TRIM16: variants seen among roughly 807,000 people sequenced by gnomAD.
TRIM16 encodes tripartite motif containing 16.
Under a neutral mutation model 50.4 loss-of-function variants are expected in TRIM16, and 33 were observed. The ratio of observed to expected loss-of-function variants is 0.65; its 90% CI spans 0.50 to 0.88. TRIM16 has a LOEUF of 0.88. Among genes scored for constraint, TRIM16 ranks in the 40% least tolerant of loss-of-function variants. TRIM16 has a pLI of 0.00. For synonymous variants in TRIM16, 229 were observed against 270.7 expected, an observed-to-expected ratio of 0.85 and a Z score of 1.51; for missense variants, 581 against 686.8, an observed-to-expected ratio of 0.85 and a Z score of 1.72.
chr17:15,680,766 T>A lies in TRIM16; in HGVS notation c.-590+99A>T, dbSNP rs902469152. On this transcript the variant is annotated intron_variant, in intron 4 of 11. Coordinates refer to ENST00000649191, the MANE Select transcript of TRIM16 (RefSeq NM_001348119.1). ...AAGCTTCATGCTAAGAGAAAAAAAA[T>A]TTGCTTCAGGAATTAAAATAAGATT... The A allele has an allele frequency of 5.1e-6, 7 of 1,363,724 alleles. No individual in the cohort carries two copies. In the African/African-American group the frequency reaches 6.0e-5, roughly 12 times the overall value. The allele number at this position is 1,363,724 out of a possible 1,614,324, so 84.5% of individuals were successfully genotyped here. A position where few individuals can be genotyped will look rare whatever the true frequency, so the allele number is the denominator to read the frequency against.
At chr17:15,632,827 T>C in intron 9 of TRIM16, 153 bp from the exon 10 acceptor site, 2 of 1,083,672 alleles carry the variant, frequency 1.8e-6, no homozygotes, top group Non-Finnish European at 1.3e-6. Context: ...AAGCTCAGGG[T>C]CTAACAAAAT....
At chr17:15,635,052 C>T (rs1231441183) in intron 9 of TRIM16, among the ~76,000 whole-genome samples, 2 of 148,470 alleles carry the variant, frequency 1.3e-5, no homozygotes, top group Non-Finnish European at 3.0e-5. Context: ...CTATGTTGTA[C>T]TTGTGTAAGG....
At chr17:15,658,101 T>C (rs924271240) in intron 6 of TRIM16, among the ~76,000 whole-genome samples, 5 of 152,156 alleles carry the variant, frequency 3.3e-5, no homozygotes. Flanking sequence ...AGATATGTGG[T>C]AGGCAATTGG....
At chr17:15,663,011 G>A (rs1026710104) in intron 6 of TRIM16, among the ~76,000 whole-genome samples, 3 of 152,084 alleles carry the variant, frequency 2.0e-5, no homozygotes, top group African/African-American at 7.2e-5. Context: ...TGGTGGTGAA[G>A]AAGCTGGGCT....
chr17:15,643,842 G>A (rs907011831), intron 7 of TRIM16, among the ~76,000 whole-genome samples: 2 of 152,202 alleles, frequency 1.3e-5, no homozygotes, highest in Admixed American at 1.3e-4. Flanking sequence ...GGCCAAGTGG[G>A]AAGTCTACAT....
In TRIM16 at chr17:15,654,735, C is replaced by T. The variant is rs892402336; in HGVS notation, c.-337-2789G>A. Reference sequence around the variant, plus strand: ...TAATTGAATAACTGTCTTTGTTTCTCGCTTCTGTAATATGCTTCCCCCTGC... The same window carrying T: ...TAATTGAATAACTGTCTTTGTTTCTTGCTTCTGTAATATGCTTCCCCCTGC... On this transcript the variant is annotated intron_variant, in intron 6 of 11. Coordinates refer to ENST00000649191, the MANE Select transcript of TRIM16 (RefSeq NM_001348119.1). Among the ~76,000 whole-genome samples, 16 of 152,230 alleles carry T rather than the reference C, an allele frequency of 1.1e-4. No homozygotes were observed. The South Asian group carries it at 2.9e-3, about 28-fold the overall frequency.
chr17:15,649,794 G>A (rs368020704), intron 7 of TRIM16, among the ~76,000 whole-genome samples: 20 of 152,300 alleles, frequency 1.3e-4, no homozygotes, highest in African/African-American at 4.6e-4. Flanking sequence ...TTGGACAAGT[G>A]TGGTGGAGAT....
chr17:15,644,871 A>G (rs1348161970), intron 7 of TRIM16, among the ~76,000 whole-genome samples: 2 of 151,798 alleles, frequency 1.3e-5, no homozygotes, highest in Non-Finnish European at 2.9e-5. Flanking sequence ...GCTGGAGTGC[A>G]ATGGTGCAAT....
Position 15,632,548 on chromosome 17 carries a change from C to G in TRIM16, c.976G>C (p.Glu326Gln). ...TCCTGGAGCTTTTTCTTATAGTTCT[C>G]CAGCAACTGGATTAAGTGTACAGTG... Reference protein sequence around the residue: ...ESTVHLIQLLENYKKKLQEFS... With the variant: ...ESTVHLIQLLQNYKKKLQEFS... Residue 326 changes from glutamate to glutamine, a missense_variant, in exon 10 of 12, where the codon GAG becomes CAG. By Grantham distance (29) the Glu-to-Gln change is conservative. Around this residue, in one of 3 missense-constraint regions of TRIM16, gnomAD observed 450 missense variants for 544.3 expected, o/e 0.83. Coordinates refer to ENST00000649191, the MANE Select transcript of TRIM16 (RefSeq NM_001348119.1). 3.1e-6 allele frequency: 5 copies of G among 1,613,118 alleles called. No homozygotes were observed. The highest frequency in any genetic ancestry group is 4.2e-6 in the Non-Finnish European group (5 of 1,179,644).
intron 6 of TRIM16, among the ~76,000 whole-genome samples, chr17:15,664,922 C>T (rs948498542): frequency 6.6e-6 from 1 of 150,488 alleles, no homozygotes; most frequent in African/African-American, 2.4e-5. Context: ...ATCCCAGCTA[C>T]TTGGGAGGGT....
chr17:15,673,566 C>T (rs2151422744), intron 6 of TRIM16, among the ~76,000 whole-genome samples: 1 of 150,504 alleles, frequency 6.6e-6, no homozygotes, highest in South Asian at 2.1e-4. Flanking sequence ...CAATCCTATA[C>T]AATTGGATTA....
chr17:15,636,629 G>GTTT (rs1376285115), intron 8 of TRIM16, among the ~76,000 whole-genome samples: 2 of 139,350 alleles, frequency 1.4e-5, no homozygotes, highest in African/African-American at 5.5e-5. Flanking sequence ...AAAGAATTTG[G>GTTT]CTTTTTTTTT....
chr17:15,655,070 A>G (rs1987909922), intron 6 of TRIM16, among the ~76,000 whole-genome samples: 1 of 152,094 alleles, frequency 6.6e-6, no homozygotes, highest in Admixed American at 6.5e-5. Context: ...CTGGAATTTA[A>G]TTTCATGGTT....
chr17:15,655,330 G>C (rs2042197729), intron 6 of TRIM16, among the ~76,000 whole-genome samples: 1 of 152,134 alleles, frequency 6.6e-6, no homozygotes, highest in African/African-American at 2.4e-5. Flanking sequence ...ATCCTGCTTG[G>C]GTTTCCACGT....
At position 15,677,658 on chromosome 17, in the gene TRIM16, TC is replaced by T. The variant is rs1989005460; in HGVS notation, c.-527del. The stretch of plus-strand genomic sequence containing the variant: ...AGCAAGGTCCAGTTCTCTCCATTCT[TC>T]CTAGTGAAGTTCACAGCCACATCCT... On this transcript the variant is annotated 5_prime_UTR_variant, in exon 5 of 12. It removes the in-frame stop codon of an upstream open reading frame in the 5' UTR. Coordinates refer to ENST00000649191, the MANE Select transcript of TRIM16 (RefSeq NM_001348119.1). The T allele has an allele frequency of 9.6e-7, 1 of 1,038,316 alleles. No individual in the cohort carries two copies. Among genetic ancestry groups the T allele is most frequent in the Non-Finnish European group, 1.2e-6 (1 of 856,412 alleles). The allele number at this position is 1,038,316 out of a possible 1,614,324, so 64.3% of individuals were successfully genotyped here. A position where few individuals can be genotyped will look rare whatever the true frequency, so the allele number is the denominator to read the frequency against.
chr17:15,678,954 C>A (rs547145669), intron 4 of TRIM16, among the ~76,000 whole-genome samples: 1 of 151,674 alleles, frequency 6.6e-6, no homozygotes, highest in African/African-American at 2.4e-5. Context: ...CGGCTTACCG[C>A]AACCTCCATC....
intron 6 of TRIM16, among the ~76,000 whole-genome samples, chr17:15,666,234 T>G (rs1988494608): frequency 6.6e-6 from 1 of 152,202 alleles, no homozygotes; most frequent in Non-Finnish European, 1.5e-5. Context: ...AGAAAGCTTT[T>G]CATTTATGTA....
At chr17:15,660,047 A>G (rs73272121) in intron 6 of TRIM16, among the ~76,000 whole-genome samples, 5,873 of 152,282 alleles carry the variant, frequency 0.039, 296 homozygotes, top group African/African-American at 0.12. Flanking sequence ...TTACAGGGTG[A>G]GGGTGAGGGT....
intron 6 of TRIM16, among the ~76,000 whole-genome samples, chr17:15,664,756 C>T (rs553423603): frequency 1.6e-4 from 25 of 151,534 alleles, no homozygotes; most frequent in African/African-American, 4.8e-4. Flanking sequence ...GGAAACAGGC[C>T]GGGCGCGGTG....
Sources: allele counts gnomAD v4.1 joint callset (sites outside exome capture counted in the v4.1 genomes callset), GRCh38; gene constraint gnomAD v4.1.1; regional missense constraint gnomAD v4.1.1; transcripts MANE v1.5; gene names NCBI Gene and HGNC (gene_info 2026-07-23, HGNC 2026-07-21).